The following TSNARE1 variants were observed in gnomAD, a reference collection of about 807,000 sequenced individuals.
TSNARE1 encodes the protein t-SNARE domain-containing protein 1.
In TSNARE1, 49 loss-of-function variants were observed where a neutral mutation model predicts 62.0. The observed-to-expected ratio is 0.79, with a 90% CI of 0.63 to 1.00. The LOEUF (loss-of-function observed/expected upper bound fraction) is 1.00, where lower values mean the gene tolerates loss of function less well. Ranked by LOEUF, TSNARE1 falls within the 50% of genes least tolerant of loss-of-function variation. The probability of loss-of-function intolerance (pLI) is 0.00; values close to 1 mark genes in which losing one functional copy is unlikely to be tolerated. For synonymous variants in TSNARE1, 328 were observed against 294.4 expected, an observed-to-expected ratio of 1.11 and a Z score of -1.17; for missense variants, 755 against 700.1, an observed-to-expected ratio of 1.08 and a Z score of -0.88.
intron 7 of TSNARE1, among the ~76,000 whole-genome samples, chr8:142,315,911 G>A (rs957009887): frequency 1.4e-4 from 21 of 152,306 alleles, no homozygotes; most frequent in Non-Finnish European, 1.9e-4. Flanking sequence ...AAGCGTCCAC[G>A]GCCCACAGAG....
At chr8:142,271,056 C>A in intron 12 of TSNARE1, 1 of 985,948 alleles carries the variant, frequency 1.0e-6, no homozygotes, top group Non-Finnish European at 1.2e-6. Flanking sequence ...CTGCTCCTGC[C>A]CTTTGGCTCT....
chr8:142,224,433 C>A (rs1047552127), intron 13 of TSNARE1, among the ~76,000 whole-genome samples: 11 of 152,222 alleles, frequency 7.2e-5, no homozygotes, highest in African/African-American at 2.7e-4. Flanking sequence ...ACTTCTGACC[C>A]TCACCACAGG....
chr8:142,279,338 C>T (rs1039583009), intron 11 of TSNARE1, among the ~76,000 whole-genome samples: 5 of 152,216 alleles, frequency 3.3e-5, no homozygotes, highest in East Asian at 1.9e-4. Flanking sequence ...CAGGCGGGAA[C>T]GGCAGAGGCC....
intron 9 of TSNARE1, among the ~76,000 whole-genome samples, chr8:142,308,685 T>C (rs1051459413): frequency 6.6e-6 from 1 of 152,218 alleles, no homozygotes; most frequent in Non-Finnish European, 1.5e-5. Context: ...TGTGTTCCAA[T>C]ACCTGATAGT....
At chr8:142,276,510 A>G (rs1020639803) in intron 11 of TSNARE1, 1 of 985,314 alleles carries the variant, frequency 1.0e-6, no homozygotes, top group Admixed American at 6.1e-5. Context: ...TGTTGCTGAG[A>G]GGTGAATGTG....
At chr8:142,238,899 G>A (rs562268313) in intron 12 of TSNARE1, among the ~76,000 whole-genome samples, 15 of 152,166 alleles carry the variant, frequency 9.9e-5, no homozygotes, top group African/African-American at 3.6e-4. Flanking sequence ...ATCTCCTCCA[G>A]GAAGCCTCTC....
intron 9 of TSNARE1, among the ~76,000 whole-genome samples, chr8:142,304,283 TCCTTCCTACGGCTCCAGCCCCTAG>T (rs372748987): frequency 0.011 from 1,633 of 152,268 alleles, 23 homozygotes; most frequent in African/African-American, 0.037. Context: ...CCCCAACGCC[TCCTTCCTACGGCTCCAGCCCCTAG>T]GCTTCCGGGG....
At chr8:142,342,575 G>A (rs1297170217) in intron 4 of TSNARE1, among the ~76,000 whole-genome samples, 2 of 152,220 alleles carry the variant, frequency 1.3e-5, no homozygotes, top group Non-Finnish European at 2.9e-5. Context: ...GGAATCCAGT[G>A]CAGGAACCAG....
chr8:142,311,246 T>C (rs1012233933), intron 9 of TSNARE1, among the ~76,000 whole-genome samples: 3 of 148,968 alleles, frequency 2.0e-5, no homozygotes, highest in African/African-American at 7.4e-5. Context: ...CACTGCAACC[T>C]GCGCCTCCCA....
chr8:142,227,354 T>C (rs188643635), intron 13 of TSNARE1, among the ~76,000 whole-genome samples: 2,140 of 53,948 alleles, frequency 0.04, 17 homozygotes, highest in Admixed American at 0.098. Flanking sequence ...ATCCTGCCCA[T>C]AGCCCCAGTG....
At chr8:142,286,523 C>A (rs1322118180) in intron 10 of TSNARE1, among the ~76,000 whole-genome samples, 1 of 152,170 alleles carries the variant, frequency 6.6e-6, no homozygotes, top group African/African-American at 2.4e-5. Context: ...GAAGGTGGGG[C>A]CCAGGGGTCA....
chr8:142,294,649 G>A (rs527340823), intron 10 of TSNARE1, among the ~76,000 whole-genome samples: 1 of 152,340 alleles, frequency 6.6e-6, no homozygotes, highest in East Asian at 1.9e-4. Flanking sequence ...GATGGGGCCG[G>A]TCAGCAGGGT....
intron 4 of TSNARE1, among the ~76,000 whole-genome samples, chr8:142,341,987 G>A (rs1034730800): frequency 9.9e-5 from 15 of 152,200 alleles, no homozygotes; most frequent in African/African-American, 3.1e-4. Context: ...AGGCCCTGCC[G>A]GCCACCTACA....
At chr8:142,281,934 G>A (rs138561857) in intron 11 of TSNARE1, among the ~76,000 whole-genome samples, 4 of 152,286 alleles carry the variant, frequency 2.6e-5, no homozygotes, top group Non-Finnish European at 5.9e-5. Flanking sequence ...AGCAGCAAAA[G>A]GGTAGGGCTT....
chr8:142,245,031 C>T (rs771390741), intron 12 of TSNARE1, among the ~76,000 whole-genome samples: 1 of 152,260 alleles, frequency 6.6e-6, no homozygotes, highest in East Asian at 1.9e-4. Flanking sequence ...GAGGCATGAA[C>T]AGACTTTTCG....
intron 13 of TSNARE1, among the ~76,000 whole-genome samples, chr8:142,222,743 CTCACTCATCCACTCACTCACTCAT>C (rs1563755942): frequency 2.2e-4 from 18 of 83,680 alleles, no homozygotes; most frequent in African/African-American, 8.0e-4. Flanking sequence ...CACTCACTCA[CTCACTCATCCACTCACTCACTCAT>C]TCACTCATCC....
intron 5 of TSNARE1, among the ~76,000 whole-genome samples, chr8:142,331,349 T>C: frequency 6.6e-6 from 1 of 152,190 alleles, no homozygotes; most frequent in Non-Finnish European, 1.5e-5. Context: ...CTCAGTGACC[T>C]CTGGTCTGCA....
intron 1 of TSNARE1, among the ~76,000 whole-genome samples, chr8:142,382,460 C>T (rs569115330): frequency 2.0e-5 from 3 of 152,208 alleles, no homozygotes; most frequent in African/African-American, 7.2e-5. Flanking sequence ...CCCTTCTGCT[C>T]GGGATGGCAG....
chr8:142,300,377 T>C, intron 10 of TSNARE1, 109 bp downstream of exon 10: 4 of 1,337,238 alleles, frequency 3.0e-6, no homozygotes, highest in Non-Finnish European at 4.0e-6. Context: ...TTCCAGCCCC[T>C]CCAGGTCAAG....
Sources: allele counts gnomAD v4.1 joint callset (sites outside exome capture counted in the v4.1 genomes callset), GRCh38; gene constraint gnomAD v4.1.1; transcripts MANE v1.5; gene names NCBI Gene and HGNC (gene_info 2026-07-23, HGNC 2026-07-21).